The following IBTK variants were observed in gnomAD, a reference collection of about 807,000 sequenced individuals.
The protein encoded by IBTK is BTK-binding protein.
In IBTK, 83 loss-of-function variants were observed where a neutral mutation model predicts 154.9. The observed-to-expected ratio is 0.54, with a 90% confidence interval of 0.45 to 0.64. IBTK has a LOEUF of 0.64. Among genes scored for constraint, IBTK ranks in the 30% least tolerant of loss-of-function variants. The pLI, the probability that IBTK is intolerant of heterozygous loss-of-function variation, is 0.00. For synonymous variants in IBTK, 515 were observed against 536.1 expected, an observed-to-expected ratio of 0.96 and a Z score of 0.54; for missense variants, 1,332 against 1,584.6, an observed-to-expected ratio of 0.84 and a Z score of 2.71.
intron 9 of IBTK, 31 bp from the exon 10 acceptor site, chr6:82,218,168 AAAGC>A (rs1769942766): frequency 6.8e-7 from 1 of 1,467,798 alleles, no homozygotes; most frequent in Non-Finnish European, 9.0e-7. Context: ...ATTGAAATAT[AAAGC>A]AAGTAGCATT....
intron 25 of IBTK, among the ~76,000 whole-genome samples, chr6:82,182,643 C>T (rs1379621174): frequency 6.6e-6 from 1 of 151,994 alleles, no homozygotes; most frequent in African/African-American, 2.4e-5. Flanking sequence ...TTAAAGACTC[C>T]AGAATTTTGG....
chr6:82,241,056 C>G (rs1423892965), intron 1 of IBTK, among the ~76,000 whole-genome samples: 2 of 152,124 alleles, frequency 1.3e-5, no homozygotes, highest in South Asian at 2.1e-4. Flanking sequence ...ACATTTGCAA[C>G]CTCTGGCATA....
At chr6:82,206,884 C>T (rs1769434860) in intron 16 of IBTK, among the ~76,000 whole-genome samples, 1 of 152,084 alleles carries the variant, frequency 6.6e-6, no homozygotes, top group African/African-American at 2.4e-5. Context: ...AATCCCACAC[C>T]CTTTCATGAT....
intron 1 of IBTK, among the ~76,000 whole-genome samples, chr6:82,241,959 C>T (rs980292846): frequency 6.6e-6 from 1 of 152,192 alleles, no homozygotes; most frequent in African/African-American, 2.4e-5. Context: ...AGTCAGAAAT[C>T]TGAGATCTAA....
Position 82,214,783 on chromosome 6 carries a change from A to T in IBTK, c.1648T>A (p.Phe550Ile), listed in dbSNP as rs139790059. The change falls in exon 12 of 29, where the codon TTT (phenylalanine) becomes ATT (isoleucine). Residue 550 changes from phenylalanine (F) to isoleucine (I), a missense_variant. By Grantham distance (21) the Phe-to-Ile change is conservative. This residue lies in a region of IBTK where 1,134 missense variants were observed against 1,274.7 expected (regional missense o/e 0.89). Transcript: ENST00000306270. ...AVSSSSFFEE[F>I]GKLLREADEM... ...TCTGCTTCCCTCAACAGTTTGCCAA[A>T]CTCTTCAAAAAAGGATGATGAGGAC... 4.0e-5 allele frequency: 64 copies of T among 1,610,948 alleles called. No individual in the cohort carries two copies. The highest frequency in any genetic ancestry group is 6.7e-5 in the Admixed American group (4 of 59,272).
intron 28 of IBTK, 147 bp downstream of exon 28, chr6:82,172,233 A>G (rs1057403481): frequency 1.3e-4 from 83 of 652,272 alleles, no homozygotes; most frequent in Non-Finnish European, 2.1e-4. Flanking sequence ...ACACTGCTAG[A>G]TGCCTCAGTT....
At chr6:82,191,964 T>C in intron 23 of IBTK, 85 bp from the exon 24 acceptor site, 3 of 681,066 alleles carry the variant, frequency 4.4e-6, no homozygotes, top group South Asian at 3.9e-5. Flanking sequence ...ATAAGTGATA[T>C]GTGAGATTAA....
chr6:82,182,025 T>A lies in IBTK; in HGVS notation c.3579A>T (p.Ala1193=), dbSNP rs1394874083. The change falls in exon 26 of 29, where the codon GCA becomes GCT. Residue 1193 remains alanine, a synonymous_variant. Coordinates refer to ENST00000306270, the MANE Select transcript of IBTK (RefSeq NM_015525.4). ...TGGATGAAACTGAATGCAGAGAAGA[T>A]GCCCTGCAAAAGAAAGCAAAGATCA... is the stretch of plus-strand genomic sequence containing the variant. The part of the protein sequence containing the change: ...SKAPKPVNAW[A]SSLHSVSSKS... The A allele has an allele frequency of 2.5e-6, 4 of 1,591,894 alleles. No individual in the cohort carries two copies. In the African/African-American group the frequency reaches 5.4e-5, roughly 22 times the overall value.
At chr6:82,212,508 C>G (rs1300732758) in intron 13 of IBTK, among the ~76,000 whole-genome samples, 199 bp downstream of exon 13, 1 of 152,052 alleles carries the variant, frequency 6.6e-6, no homozygotes, top group African/African-American at 2.4e-5. Flanking sequence ...GAAAAAACTC[C>G]TTTGATGTCT....
chr6:82,170,696 T>G lies in IBTK; in HGVS notation c.*729A>C, dbSNP rs1398437876. 1.3e-5 allele frequency: 2 copies of G among 152,192 alleles called. No individual in the cohort carries two copies. The highest frequency in any genetic ancestry group is 2.4e-5 in the African/African-American group (1 of 41,456). 9.4% of individuals were successfully genotyped at this position (152,192 alleles called of 1,614,324 possible). On this transcript the variant is annotated 3_prime_UTR_variant, in exon 29 of 29. Transcript: ENST00000306270. ...TCACAATTAGGCATTTTTAAGATCC[T>G]CCATCCCACCAAAAATAACCCACAA...
Position 82,224,038 on chromosome 6 carries a change from TTCCAGATATTG to T in IBTK, c.943+19_943+29del. On this transcript the variant is annotated intron_variant, in intron 7 of 28. Transcript: ENST00000306270. ...AATTTTTTAAAGAGTCCAATTTAAT[TTCCAGATATTG>T]TCATTAAGGATTTCTTACCCAGTTG... 8.6e-7 allele frequency: 1 copy of T among 1,159,782 alleles called. No individual in the cohort carries two copies. The highest frequency in any genetic ancestry group is 1.5e-5 in the African/African-American group (1 of 64,522). The allele number at this position is 1,159,782 out of a possible 1,614,324, so 71.8% of individuals were successfully genotyped here.
At chr6:82,187,362 AC>A (rs1201011183) in intron 25 of IBTK, among the ~76,000 whole-genome samples, 1 of 152,136 alleles carries the variant, frequency 6.6e-6, no homozygotes, top group African/African-American at 2.4e-5. Context: ...TCAATGTGGC[AC>A]TCTAAGCTCA....
intron 16 of IBTK, among the ~76,000 whole-genome samples, chr6:82,208,322 T>C (rs1769491141): frequency 6.6e-6 from 1 of 152,066 alleles, no homozygotes; most frequent in South Asian, 2.1e-4. Context: ...TAACTCAAAA[T>C]GGATCAAAGA....
At chr6:82,179,997 G>A (rs577817373) in intron 26 of IBTK, among the ~76,000 whole-genome samples, 1 of 152,356 alleles carries the variant, frequency 6.6e-6, no homozygotes, top group South Asian at 2.1e-4. Context: ...AAGGAGGATA[G>A]TTCTATATAG....
intron 16 of IBTK, among the ~76,000 whole-genome samples, chr6:82,207,342 C>T (rs1246373651): frequency 6.6e-6 from 1 of 152,038 alleles, no homozygotes; most frequent in African/African-American, 2.4e-5. Flanking sequence ...TAAAATAGCA[C>T]TAAAAATTCT....
At chr6:82,215,780 CAAAAAAAAAAAAA>C (rs59634766) in intron 11 of IBTK, among the ~76,000 whole-genome samples, 3 of 82,130 alleles carry the variant, frequency 3.7e-5, no homozygotes, top group Non-Finnish European at 7.0e-5. Flanking sequence ...GACTCCATCT[CAAAAAAAAAAAAA>C]AAAAAAAGAA....
intron 20 of IBTK, 57 bp from the exon 21 acceptor site, chr6:82,200,310 C>T: frequency 8.2e-7 from 1 of 1,219,394 alleles, no homozygotes; most frequent in Non-Finnish European, 1.2e-6. Flanking sequence ...AAGATAAATG[C>T]ACTTATTTAA....
chr6:82,227,097 C>T, intron 5 of IBTK, 95 bp downstream of exon 5: 1 of 710,156 alleles, frequency 1.4e-6, no homozygotes, highest in Non-Finnish European at 2.4e-6. Flanking sequence ...ATTATTTCGT[C>T]CTTACAGTTG....
intron 13 of IBTK, among the ~76,000 whole-genome samples, chr6:82,212,492 C>T (rs775133191): frequency 6.6e-6 from 1 of 151,986 alleles, no homozygotes; most frequent in African/African-American, 2.4e-5. Context: ...AGAAAGTCAT[C>T]GGAAAGAAAA....
Sources: gnomAD v4.1 joint callset for allele counts (sites outside exome capture counted in the v4.1 genomes callset) on GRCh38, gnomAD v4.1.1 for gene constraint, gnomAD v4.1.1 regional missense constraint, MANE v1.5 for transcripts, NCBI Gene and HGNC (gene_info 2026-07-23, HGNC 2026-07-21) for gene names.